Variants in PALM2AKAP2 observed in about 807,000 individuals in gnomAD.
The protein encoded by PALM2AKAP2 is PALM2 and AKAP2 fusion, also known as PALM2-AKAP2 fusion protein.
In PALM2AKAP2, 37 loss-of-function variants were observed where a neutral mutation model predicts 71.5. The observed-to-expected ratio is 0.52, with a 90% CI of 0.40 to 0.68. The LOEUF (loss-of-function observed/expected upper bound fraction) is 0.68, where lower values mean the gene tolerates loss of function less well. Among genes scored for constraint, PALM2AKAP2 ranks in the 30% least tolerant of loss-of-function variants. The pLI is 0.00. For missense variants in PALM2AKAP2, 1,224 were observed against 1,191.8 expected (o/e 1.03, Z -0.40); for synonymous variants, 468 against 478.8 (o/e 0.98, Z 0.29).
intron 1 of PALM2AKAP2, 124 bp from the exon 2 acceptor site, chr9:109,867,367 G>A (rs1414302939): frequency 1.9e-6 from 2 of 1,077,732 alleles, no homozygotes; most frequent in Admixed American, 2.1e-5. Flanking sequence ...GACACTGCGT[G>A]TGTGCCCGGT....
In PALM2AKAP2 at chr9:110,137,104, G is replaced by GCAGCCCCCATCGCAGCTCTGCA; in HGVS notation, c.1142_1163dup (p.Ala389IlefsTer12). On this transcript the variant is annotated frameshift_variant, in exon 2 of 4. Coordinates refer to ENST00000374525, the Ensembl canonical transcript of PALM2AKAP2. LOFTEE classifies it high-confidence loss of function. ...AGAAGCAGTTACAGCAGCAGCAGCA[G>GCAGCCCCCATCGCAGCTCTGCA]CAGCCCCCATCGCAGCTCTGCACAG... 1 of 1,613,280 alleles carries GCAGCCCCCATCGCAGCTCTGCA rather than the reference G, an allele frequency of 6.2e-7. No individual in the cohort carries two copies. Among genetic ancestry groups the GCAGCCCCCATCGCAGCTCTGCA allele is most frequent in the Non-Finnish European group, 8.5e-7 (1 of 1,179,772 alleles).
chr9:109,754,174 T>C (rs1437715812), intron 1 of PALM2AKAP2, among the ~76,000 whole-genome samples: 1 of 152,146 alleles, frequency 6.6e-6, no homozygotes, highest in Non-Finnish European at 1.5e-5. Flanking sequence ...AAGTACCCTC[T>C]AAGGTATCCA....
At chr9:109,683,297 C>T (rs538029525) in intron 1 of PALM2AKAP2, among the ~76,000 whole-genome samples, 38 of 152,232 alleles carry the variant, frequency 2.5e-4, no homozygotes, top group African/African-American at 8.9e-4. Flanking sequence ...TGGATTAATA[C>T]AGATCTTGAG....
intron 6 of PALM2AKAP2, among the ~76,000 whole-genome samples, chr9:110,007,467 T>C (rs1388186756): frequency 6.6e-6 from 1 of 152,332 alleles, no homozygotes; most frequent in Non-Finnish European, 1.5e-5. Context: ...TTGTACAACA[T>C]GATTCTTAGT....
At chr9:109,783,499 A>G (rs148019543) in intron 1 of PALM2AKAP2, among the ~76,000 whole-genome samples, 2,022 of 152,006 alleles carry the variant, frequency 0.013, 22 homozygotes, top group Non-Finnish European at 0.021. Flanking sequence ...GGGTTTCGCC[A>G]TGTTGCCCAG....
intron 1 of PALM2AKAP2, among the ~76,000 whole-genome samples, chr9:110,118,161 T>C (rs539702418): frequency 1.3e-3 from 201 of 149,836 alleles, no homozygotes; most frequent in African/African-American, 4.8e-3. Flanking sequence ...TTTTATAAAA[T>C]GGAATATATA....
Position 110,014,806 on chromosome 9 carries a change from GTATATATATATATA to G in PALM2AKAP2, c.497-1115_497-1102del, listed in dbSNP as rs34408706. ...AAAAAAAAAAAAAAAAAAAAAAAATGTATATATATATATATATATATATATATATATATATATAT... is the reference window on the plus strand; with the variant it reads ...AAAAAAAAAAAAAAAAAAAAAAAATGTATATATATATATATATATATATAT... On this transcript the variant is annotated intron_variant, in intron 6 of 9. Coordinates refer to the PALM2AKAP2 transcript ENST00000302798. 7.2e-3 allele frequency among the ~76,000 whole-genome samples: 299 copies of G among 41,542 alleles called. 17 individuals are homozygous for G. Among genetic ancestry groups the G allele is most frequent in the South Asian group, 0.06 (43 of 716 alleles). 27.3% of individuals were successfully genotyped at this position (41,542 alleles called of 152,430 possible).
intron 1 of PALM2AKAP2, among the ~76,000 whole-genome samples, chr9:109,844,431 G>GA (rs922979851): frequency 2.0e-4 from 31 of 151,814 alleles, no homozygotes; most frequent in African/African-American, 6.3e-4. Context: ...ACTTGTGGGG[G>GA]AAAAAAAATA....
chr9:109,750,629 GA>G (rs942609846), intron 1 of PALM2AKAP2, among the ~76,000 whole-genome samples: 5 of 144,262 alleles, frequency 3.5e-5, no homozygotes, highest in African/African-American at 1.3e-4. Context: ...TGTATACCAG[GA>G]TGTTAGCCTG....
Position 109,640,983 on chromosome 9 carries a change from C to T in PALM2AKAP2, c.5+117C>T, listed in dbSNP as rs116045120. Reference sequence around the variant, plus strand: ...GTCCAGGATGGGTGTTTAATTTCAGCCCCGTGTGTACGCCTGGTGTTTCTA... The same window carrying T: ...GTCCAGGATGGGTGTTTAATTTCAGTCCCGTGTGTACGCCTGGTGTTTCTA... On this transcript the variant is annotated intron_variant, in intron 1 of 6. Coordinates refer to the PALM2AKAP2 transcript ENST00000374531. 2.5e-4 allele frequency: 335 copies of T among 1,362,684 alleles called. 1 individual carries two copies. The African/African-American group carries it at 4.8e-3, about 19-fold the overall frequency. 84.4% of individuals were successfully genotyped at this position (1,362,684 alleles called of 1,614,324 possible).
exon 2 of PALM2AKAP2, chr9:110,136,836 A>G: frequency 6.2e-7 from 1 of 1,614,214 alleles, no homozygotes; most frequent in Non-Finnish European, 8.5e-7. Flanking sequence ...GACGAGCATG[A>G]GAAAGAACAA....
chr9:109,947,600 A>G (rs1831538587), intron 6 of PALM2AKAP2, among the ~76,000 whole-genome samples: 1 of 152,190 alleles, frequency 6.6e-6, no homozygotes. Context: ...CCAATATAAA[A>G]CGCAGATGGA....
At chr9:110,020,668 A>G (rs1354691535) in intron 7 of PALM2AKAP2, among the ~76,000 whole-genome samples, 1 of 151,528 alleles carries the variant, frequency 6.6e-6, no homozygotes, top group Admixed American at 6.6e-5. Flanking sequence ...GCATGACCAG[A>G]GTGAGACTCC....
intron 2 of PALM2AKAP2, among the ~76,000 whole-genome samples, chr9:110,142,614 TCTTC>T (rs768933858): frequency 6.6e-6 from 1 of 152,172 alleles, no homozygotes; most frequent in Non-Finnish European, 1.5e-5. Context: ...ATAAAGAAAG[TCTTC>T]CTTCCTTAGG....
chr9:110,168,783 G>A (rs1006097219), exon 4 of PALM2AKAP2: 13 of 326,098 alleles, frequency 4.0e-5, no homozygotes, highest in African/African-American at 2.4e-4. Context: ...GACAAAACAT[G>A]TTACAAGCAA....
chr9:109,787,100 G>A (rs1005541463), intron 1 of PALM2AKAP2, among the ~76,000 whole-genome samples: 4 of 151,888 alleles, frequency 2.6e-5, no homozygotes, highest in Admixed American at 2.6e-4. Context: ...TCATTGTGGT[G>A]GGGTAGTTAC....
At chr9:110,000,398 A>C (rs930944640) in intron 6 of PALM2AKAP2, among the ~76,000 whole-genome samples, 6 of 152,124 alleles carry the variant, frequency 3.9e-5, no homozygotes, top group Non-Finnish European at 8.8e-5. Context: ...ACATTTTCTT[A>C]ATCCAGTCTA....
rs1028837990 is a variant in PALM2AKAP2, at chr9:109,650,941, T to C, written c.5+10075T>C. 1.8e-4 allele frequency among the ~76,000 whole-genome samples: 27 copies of C among 152,238 alleles called. 1 individual carries two copies. Among genetic ancestry groups the C allele is most frequent in the Admixed American group, 1.8e-3 (27 of 15,278 alleles). ...TTTATTCTCTCTCAATTCTTAGGAA[T>C]GTGTATGGCAAAAAAAGAGTTCATG... On this transcript the variant is annotated intron_variant, in intron 1 of 6. Coordinates refer to the PALM2AKAP2 transcript ENST00000374531.
chr9:110,011,014 A>AAAAAAAAAAAAAATATATATAT (rs35212981), intron 6 of PALM2AKAP2, among the ~76,000 whole-genome samples: 1 of 69,590 alleles, frequency 1.4e-5, no homozygotes, highest in African/African-American at 7.8e-5. Flanking sequence ...AAAAAAAAAA[A>AAAAAAAAAAAAAATATATATAT]ATATATATAT....
Sources: gnomAD v4.1 joint callset for allele counts (sites outside exome capture counted in the v4.1 genomes callset) on GRCh38, gnomAD v4.1.1 for gene constraint, MANE v1.5 for transcripts, NCBI Gene and HGNC (gene_info 2026-07-23, HGNC 2026-07-21) for gene names.